The following NCAM2 variants were observed in gnomAD, a reference collection of about 807,000 sequenced individuals.
The protein encoded by NCAM2 is neural cell adhesion molecule 2.
In NCAM2, 30 loss-of-function variants were observed where a neutral mutation model predicts 98.1. That is an observed-to-expected ratio of 0.31 (90% CI 0.23 to 0.41). The LOEUF (loss-of-function observed/expected upper bound fraction) is 0.41. NCAM2 is among the 10% of genes least tolerant of loss of function. The pLI is 1.00. For missense variants in NCAM2, 867 were observed against 1,005.8 expected (o/e 0.86, Z 1.87); for synonymous variants, 368 against 342.4 (o/e 1.07, Z -0.83).
chr21:21,234,269 C>T (rs1156573437), intron 1 of NCAM2, among the ~76,000 whole-genome samples: 1 of 151,506 alleles, frequency 6.6e-6, no homozygotes, highest in Admixed American at 6.6e-5. Context: ...GAACCCTTCA[C>T]TCATGAACTT....
chr21:21,472,066 A>G (rs1984509967), intron 14 of NCAM2, among the ~76,000 whole-genome samples: 1 of 152,104 alleles, frequency 6.6e-6, no homozygotes, highest in Admixed American at 6.6e-5. Flanking sequence ...GTGTCAATGT[A>G]ACTTCATATA....
intron 5 of NCAM2, among the ~76,000 whole-genome samples, chr21:21,311,213 A>G (rs1382113641): frequency 6.6e-6 from 1 of 152,196 alleles, no homozygotes; most frequent in Admixed American, 6.5e-5. Flanking sequence ...AAATATATTA[A>G]CATGGTATAT....
chr21:21,125,822 C>T (rs1420193192), intron 1 of NCAM2, among the ~76,000 whole-genome samples: 1 of 149,390 alleles, frequency 6.7e-6, no homozygotes, highest in Admixed American at 6.8e-5. Context: ...TTTAATGCAG[C>T]ACAATAGTCT....
At chr21:21,508,808 CTTTTTTTTTTTTTTTTTTTT>C (rs764097299) in intron 15 of NCAM2, 23 bp from the exon 16 acceptor site, 12 of 413,278 alleles carry the variant, frequency 2.9e-5, no homozygotes, top group East Asian at 2.7e-4. Flanking sequence ...ACTTTTTTTC[CTTTTTTTTTTTTTTTTTTTT>C]TTTTTTTTTT....
At chr21:21,422,303 G>A (rs936633570) in intron 11 of NCAM2, among the ~76,000 whole-genome samples, 2 of 152,190 alleles carry the variant, frequency 1.3e-5, no homozygotes, top group African/African-American at 4.8e-5. Context: ...ACTCCCAAAG[G>A]TGGGAGGCTG....
chr21:21,239,832 T>C (rs903512361), intron 1 of NCAM2, among the ~76,000 whole-genome samples: 1 of 152,212 alleles, frequency 6.6e-6, no homozygotes, highest in African/African-American at 2.4e-5. Context: ...ATTTTAAAAA[T>C]TGAGGTTGGG....
intron 1 of NCAM2, among the ~76,000 whole-genome samples, chr21:21,159,355 G>A (rs2067711924): frequency 6.6e-6 from 1 of 152,092 alleles, no homozygotes; most frequent in Non-Finnish European, 1.5e-5. Context: ...AAAGTCTGCA[G>A]TAATATACAG....
At chr21:21,080,336 G>C (rs1298763776) in intron 1 of NCAM2, among the ~76,000 whole-genome samples, 1 of 152,004 alleles carries the variant, frequency 6.6e-6, no homozygotes, top group Admixed American at 6.6e-5. Flanking sequence ...AGACTTCCTG[G>C]TGGGGCATGG....
At chr21:21,437,561 T>A (rs1251444861) in intron 12 of NCAM2, among the ~76,000 whole-genome samples, 1 of 151,612 alleles carries the variant, frequency 6.6e-6, no homozygotes, top group East Asian at 1.9e-4. Flanking sequence ...TATGCAGGGA[T>A]CCCCACTTCA....
chr21:21,516,929 T>C (rs1292044081), intron 16 of NCAM2, among the ~76,000 whole-genome samples: 1 of 152,202 alleles, frequency 6.6e-6, no homozygotes, highest in African/African-American at 2.4e-5. Context: ...TTATGTATAA[T>C]TTATCCCATA....
At chr21:21,485,003 T>C (rs1986223282) in intron 15 of NCAM2, among the ~76,000 whole-genome samples, 1 of 151,794 alleles carries the variant, frequency 6.6e-6, no homozygotes, top group Admixed American at 6.5e-5. Context: ...GGATCACTAC[T>C]ATTGTTTTTT....
intron 1 of NCAM2, among the ~76,000 whole-genome samples, chr21:21,171,369 GAAT>G (rs2068118273): frequency 6.6e-6 from 1 of 152,204 alleles, no homozygotes. Context: ...GGATTTGCAT[GAAT>G]AATGTTATTT....
At chr21:21,051,094 CAACAGCAGATTTTAATCTCTTCAAG>C (rs2065099208) in intron 1 of NCAM2, among the ~76,000 whole-genome samples, 4 of 152,184 alleles carry the variant, frequency 2.6e-5, no homozygotes, top group Non-Finnish European at 4.4e-5. Context: ...GGAGGGATGT[CAACAGCAGATTTTAATCTCTTCAAG>C]AATTGCTTTA....
chr21:21,352,430 A>G lies in NCAM2; in HGVS notation c.1044+13896A>G, dbSNP rs995195709. On this transcript the variant is annotated intron_variant, in intron 8 of 17. Coordinates refer to ENST00000400546, the MANE Select transcript of NCAM2 (RefSeq NM_004540.5). ...AGCCACCTTGCCTGGCTCCAAATTTATTTAGATCGTCTCTTATTATCATTC... is the reference window on the plus strand; with the variant it reads ...AGCCACCTTGCCTGGCTCCAAATTTGTTTAGATCGTCTCTTATTATCATTC... Among the ~76,000 whole-genome samples the G allele has an allele frequency of 3.3e-5, 5 of 152,044 alleles. No homozygotes were observed. In the East Asian group the frequency reaches 9.8e-4, roughly 30 times the overall value.
At chr21:21,288,664 T>C (rs563470219) in intron 4 of NCAM2, among the ~76,000 whole-genome samples, 15 of 152,038 alleles carry the variant, frequency 9.9e-5, no homozygotes, top group African/African-American at 3.6e-4. Context: ...AATAGACTTA[T>C]ATGAAATAAT....
intron 1 of NCAM2, among the ~76,000 whole-genome samples, chr21:21,137,447 TAA>T (rs2146640351): frequency 6.6e-6 from 1 of 152,234 alleles, no homozygotes; most frequent in African/African-American, 2.4e-5. Flanking sequence ...ATATGATTTA[TAA>T]AAAATGTTGG....
intron 1 of NCAM2, chr21:21,223,363 T>C (rs2070248744): frequency 6.6e-6 from 1 of 152,176 alleles, no homozygotes; most frequent in South Asian, 2.1e-4. Flanking sequence ...AGAACCATTA[T>C]ACATGGTCAA....
At chr21:21,071,058 T>C (rs2065552075) in intron 1 of NCAM2, among the ~76,000 whole-genome samples, 1 of 152,144 alleles carries the variant, frequency 6.6e-6, no homozygotes, top group Admixed American at 6.5e-5. Flanking sequence ...AGAGGAAATT[T>C]GAGCCAGCTG....
chr21:21,201,649 G>T (rs554367894), intron 1 of NCAM2, among the ~76,000 whole-genome samples: 25 of 152,258 alleles, frequency 1.6e-4, no homozygotes, highest in African/African-American at 5.3e-4. Flanking sequence ...TTCAACCCCA[G>T]TTTTTGTTAA....
Sources: allele counts gnomAD v4.1 joint callset (sites outside exome capture counted in the v4.1 genomes callset), GRCh38; gene constraint gnomAD v4.1.1; transcripts MANE v1.5; gene names NCBI Gene and HGNC (gene_info 2026-07-23, HGNC 2026-07-21).